The following IQCB1 variants were observed in gnomAD, a reference collection of about 807,000 sequenced individuals.
IQCB1 encodes IQ motif containing B1.
In IQCB1, 56 loss-of-function variants were observed where a neutral mutation model predicts 84.4. That is an observed-to-expected ratio of 0.66 (90% confidence interval 0.54 to 0.83). The LOEUF is 0.83. Ranked by LOEUF, IQCB1 falls within the 40% of genes least tolerant of loss-of-function variation. The probability of loss-of-function intolerance (pLI) is 0.00; values close to 1 mark genes in which losing one functional copy is unlikely to be tolerated. For missense variants in IQCB1, 629 were observed against 682.1 expected, an observed-to-expected ratio of 0.92 and a Z score of 0.87; for synonymous variants, 210 against 234.8, an observed-to-expected ratio of 0.89 and a Z score of 0.96.
chr3:121,805,483 A>C (rs1385047779), intron 7 of IQCB1, among the ~76,000 whole-genome samples: 1 of 152,194 alleles, frequency 6.6e-6, no homozygotes. Flanking sequence ...ACCTACAATA[A>C]AATTAATTTT....
intron 5 of IQCB1, among the ~76,000 whole-genome samples, chr3:121,818,268 AG>A (rs1950145908): frequency 6.6e-6 from 1 of 152,240 alleles, no homozygotes. Flanking sequence ...TGCTGTCAAA[AG>A]GTAAAAATAG....
intron 12 of IQCB1, among the ~76,000 whole-genome samples, chr3:121,786,684 T>C (rs1221311930): frequency 6.6e-6 from 1 of 152,198 alleles, no homozygotes; most frequent in Non-Finnish European, 1.5e-5. Flanking sequence ...ATGTGACTAA[T>C]CTTCCTTTCG....
chr3:121,791,868 A>G (rs1948990402), intron 10 of IQCB1, among the ~76,000 whole-genome samples: 1 of 152,140 alleles, frequency 6.6e-6, no homozygotes, highest in Non-Finnish European at 1.5e-5. Flanking sequence ...AGGTGGGTGG[A>G]TCACCTGAGG....
At chr3:121,788,100 A>G (rs1352884266) in intron 12 of IQCB1, among the ~76,000 whole-genome samples, 184 bp downstream of exon 12, 1 of 152,262 alleles carries the variant, frequency 6.6e-6, no homozygotes, top group Non-Finnish European at 1.5e-5. Context: ...GGCAGTACTA[A>G]GGACTGAGTG....
intron 10 of IQCB1, among the ~76,000 whole-genome samples, chr3:121,794,966 AT>A (rs2108559975): frequency 6.6e-6 from 1 of 152,270 alleles, no homozygotes; most frequent in South Asian, 2.1e-4. Context: ...TGGTTAAGTC[AT>A]TGCAGAAAGT....
intron 13 of IQCB1, among the ~76,000 whole-genome samples, chr3:121,777,910 CT>C (rs1224307296): frequency 3.1e-3 from 441 of 141,612 alleles, no homozygotes; most frequent in Non-Finnish European, 3.6e-3. Flanking sequence ...TTCTTGCCCA[CT>C]TTTTTTTTTT....
intron 9 of IQCB1, among the ~76,000 whole-genome samples, chr3:121,796,913 G>C (rs371576899): frequency 6.6e-6 from 1 of 151,992 alleles, no homozygotes; most frequent in East Asian, 1.9e-4. Flanking sequence ...CTACTCATGG[G>C]TGTGATCATA....
chr3:121,791,486 A>G (rs1384526375), intron 10 of IQCB1, among the ~76,000 whole-genome samples: 1 of 152,218 alleles, frequency 6.6e-6, no homozygotes, highest in Non-Finnish European at 1.5e-5. Flanking sequence ...CTTCTTTCTT[A>G]TCCCTATTAT....
intron 4 of IQCB1, among the ~76,000 whole-genome samples, chr3:121,827,055 T>A (rs1317214030): frequency 6.6e-6 from 1 of 152,066 alleles, no homozygotes; most frequent in Non-Finnish European, 1.5e-5. Context: ...GTGGTACATA[T>A]ACACCATGGA....
intron 10 of IQCB1, among the ~76,000 whole-genome samples, chr3:121,792,691 T>A (rs2108555092): frequency 6.6e-6 from 1 of 151,728 alleles, no homozygotes; most frequent in Non-Finnish European, 1.5e-5. Context: ...AAAGTGAGAT[T>A]TGGTGATTTA....
In IQCB1 at chr3:121,799,375, C is replaced by T; in HGVS notation, c.588-1G>A. Reference sequence around the variant, plus strand: ...TCTTCCTATTCTGAGTAAATCACCACTAATAGAACAAAATAAAAAAAAAAG... The same window carrying T: ...TCTTCCTATTCTGAGTAAATCACCATTAATAGAACAAAATAAAAAAAAAAG... On this transcript the variant is annotated splice_acceptor_variant, in intron 7 of 14. Transcript: ENST00000310864. LOFTEE classifies it high-confidence loss of function. 12 of 1,534,486 alleles carry T rather than the reference C, an allele frequency of 7.8e-6. No individual in the cohort carries two copies. Among genetic ancestry groups the T allele is most frequent in the Non-Finnish European group, 1.1e-5 (12 of 1,113,086 alleles).
intron 7 of IQCB1, among the ~76,000 whole-genome samples, chr3:121,801,855 G>A (rs138007704): frequency 0.01 from 1,391 of 132,570 alleles, 29 homozygotes; most frequent in African/African-American, 0.038. Flanking sequence ...GCTAGATAAT[G>A]GATTTTGTCA....
intron 5 of IQCB1, among the ~76,000 whole-genome samples, chr3:121,819,172 C>T (rs994528694): frequency 1.3e-5 from 2 of 152,062 alleles, no homozygotes; most frequent in Non-Finnish European, 2.9e-5. Flanking sequence ...ATACAACTCA[C>T]CATAATGTAG....
chr3:121,779,888 C>T (rs906872026), intron 13 of IQCB1, among the ~76,000 whole-genome samples: 7 of 152,200 alleles, frequency 4.6e-5, no homozygotes, highest in African/African-American at 1.7e-4. Context: ...GTACTCTTCA[C>T]AATACCCTGT....
intron 7 of IQCB1, among the ~76,000 whole-genome samples, chr3:121,800,410 TAAGAG>T (rs1384360525): frequency 6.6e-6 from 1 of 151,956 alleles, no homozygotes; most frequent in Non-Finnish European, 1.5e-5. Flanking sequence ...ATAATTTTGT[TAAGAG>T]AAAAGAGATC....
At position 121,770,481 on chromosome 3, in the gene IQCB1, A is replaced by C; in HGVS notation, c.1661T>G (p.Leu554Arg). The change falls in exon 15 of 15, where the codon CTC (leucine) becomes CGC (arginine). Residue 554 changes from leucine to arginine, a missense_variant. Physicochemically the swap from Leu to Arg is moderately radical, Grantham distance 102. Coordinates refer to ENST00000310864, the MANE Select transcript of IQCB1 (RefSeq NM_001023570.4). ...TGCTTGTATGTGCTTCAGGGTTGTG[A>C]GATGGGCCTGCTTGGCCTTGGCTGC... is the stretch of plus-strand genomic sequence containing the variant. ...PVAAKAKQAH[L>R]TTLKHIQAPW... The C allele has an allele frequency of 6.2e-7, 1 of 1,614,204 alleles. No individual in the cohort carries two copies. Among genetic ancestry groups the C allele is most frequent in the Non-Finnish European group, 8.5e-7 (1 of 1,180,040 alleles).
intron 5 of IQCB1, among the ~76,000 whole-genome samples, chr3:121,813,345 T>C (rs1199736314): frequency 6.6e-6 from 1 of 152,146 alleles, no homozygotes; most frequent in African/African-American, 2.4e-5. Context: ...CCCATGACAC[T>C]ATGAAGAAAC....
At chr3:121,778,242 CTTGAG>C (rs1323053039) in intron 13 of IQCB1, among the ~76,000 whole-genome samples, 18 of 152,160 alleles carry the variant, frequency 1.2e-4, no homozygotes, top group African/African-American at 2.9e-4. Context: ...TCTTTTTCTT[CTTGAG>C]TTGAGTTCCT....
At chr3:121,799,413 T>C in intron 7 of IQCB1, 39 bp from the exon 8 acceptor site, 3 of 1,213,452 alleles carry the variant, frequency 2.5e-6, no homozygotes, top group Non-Finnish European at 3.6e-6. Context: ...CCATTACTAA[T>C]TGATGTACAG....
Sources: gnomAD v4.1 joint callset for allele counts (sites outside exome capture counted in the v4.1 genomes callset) on GRCh38, gnomAD v4.1.1 for gene constraint, MANE v1.5 for transcripts, NCBI Gene and HGNC (gene_info 2026-07-23, HGNC 2026-07-21) for gene names.